Variants in B3GAT2 observed in about 807,000 individuals in gnomAD.
B3GAT2 encodes the protein galactosylgalactosylxylosylprotein 3-beta-glucuronosyltransferase 2.
B3GAT2 carries 26 observed loss-of-function variants against 27.8 expected under a neutral mutation model. That is an observed-to-expected ratio of 0.93 (90% CI 0.68 to 1.30). B3GAT2 has a LOEUF of 1.30. B3GAT2 is among the 50% of genes most tolerant of loss of function. The pLI, the probability that B3GAT2 is intolerant of heterozygous loss-of-function variation, is 0.00. For missense variants in B3GAT2, 458 were observed against 459.0 expected, an observed-to-expected ratio of 1.00 and a Z score of 0.02; for synonymous variants, 218 against 195.1, an observed-to-expected ratio of 1.12 and a Z score of -0.98.
chr6:70,919,998 C>T (rs1357962818), intron 1 of B3GAT2, among the ~76,000 whole-genome samples: 1 of 152,212 alleles, frequency 6.6e-6, no homozygotes, highest in Non-Finnish European at 1.5e-5. Context: ...CAGATATGCC[C>T]TGCCCCCGAG....
rs1380248356 is a variant in B3GAT2 at position 70,956,610 on chromosome 6, G to T, written c.-181C>A. 3 of 1,433,472 alleles carry T rather than the reference G, an allele frequency of 2.1e-6. No individual in the cohort carries two copies. The highest frequency in any genetic ancestry group is 5.1e-5 in the East Asian group (2 of 38,890). The allele number at this position is 1,433,472 out of a possible 1,614,324, so 88.8% of individuals were successfully genotyped here. ...GCTCACTACCTGGGCGTGGAGGAGC[G>T]GCAGGTTCGCGCAAGCTAGAGCGAC... On this transcript the variant is annotated 5_prime_UTR_variant, in exon 1 of 4. Transcript: ENST00000230053.
intron 2 of B3GAT2, among the ~76,000 whole-genome samples, chr6:70,863,757 T>C (rs1379822901): frequency 1.3e-5 from 2 of 152,122 alleles, no homozygotes; most frequent in Non-Finnish European, 2.9e-5. Flanking sequence ...AAAAATACTA[T>C]TGTCAGTGTG....
At chr6:70,939,074 C>G (rs183257486) in intron 1 of B3GAT2, among the ~76,000 whole-genome samples, 321 of 152,170 alleles carry the variant, frequency 2.1e-3, no homozygotes, top group African/African-American at 7.2e-3. Context: ...CCAACCCCAT[C>G]AACAAGTGGG....
Position 70,956,756 on chromosome 6 carries a change from G to C in B3GAT2, c.-327C>G. 8.1e-7 allele frequency: 1 copy of C among 1,237,406 alleles called. No individual in the cohort carries two copies. The highest frequency in any genetic ancestry group is 1.0e-6 in the Non-Finnish European group (1 of 985,688). The allele number at this position is 1,237,406 out of a possible 1,614,324, so 76.7% of individuals were successfully genotyped here. On this transcript the variant is annotated 5_prime_UTR_variant, in exon 1 of 4. It adds an upstream start codon to the 5' untranslated region. Coordinates refer to ENST00000230053, the MANE Select transcript of B3GAT2 (RefSeq NM_080742.3). ...TTGTGCCGAGTGCGGGAAAGGCGCT[G>C]ATCCCCACCGCGCTCTTTCTGAAGA...
At chr6:70,893,871 G>A (rs1313003248) in intron 2 of B3GAT2, among the ~76,000 whole-genome samples, 1 of 152,108 alleles carries the variant, frequency 6.6e-6, no homozygotes, top group Non-Finnish European at 1.5e-5. Flanking sequence ...CCATGTAGAC[G>A]CTTGTGGGAT....
chr6:70,945,597 T>C (rs908558227), intron 1 of B3GAT2, among the ~76,000 whole-genome samples: 2 of 151,100 alleles, frequency 1.3e-5, no homozygotes, highest in African/African-American at 4.9e-5. Flanking sequence ...CTACGTCTGA[T>C]TGTGTACCTG....
intron 1 of B3GAT2, among the ~76,000 whole-genome samples, chr6:70,935,860 C>A (rs967585390): frequency 2.5e-4 from 38 of 151,974 alleles, no homozygotes; most frequent in Non-Finnish European, 4.4e-4. Context: ...AGCAAAATAA[C>A]CAGCTAACAT....
chr6:70,918,851 G>A (rs1476091881), intron 1 of B3GAT2, among the ~76,000 whole-genome samples: 3 of 152,098 alleles, frequency 2.0e-5, no homozygotes, highest in Non-Finnish European at 2.9e-5. Context: ...TTCAACCTTG[G>A]TGAATCTGAC....
In B3GAT2 at chr6:70,856,988, T is replaced by C. The variant is rs749904379; in HGVS notation, c.*4675A>G. 6.2e-7 allele frequency: 1 copy of C among 1,613,874 alleles called. No homozygotes were observed. Among genetic ancestry groups the C allele is most frequent in the African/African-American group, 1.3e-5 (1 of 74,944 alleles). ...ACAACTTTCCAAAGACTCCATCTTATCTCTGTATGGCACAGGAACCATTCA... is the reference window on the plus strand; with the variant it reads ...ACAACTTTCCAAAGACTCCATCTTACCTCTGTATGGCACAGGAACCATTCA... On this transcript the variant is annotated 3_prime_UTR_variant, in exon 4 of 4. Coordinates refer to ENST00000230053, the MANE Select transcript of B3GAT2 (RefSeq NM_080742.3).
At chr6:70,919,253 T>C (rs1772827594) in intron 1 of B3GAT2, among the ~76,000 whole-genome samples, 1 of 152,228 alleles carries the variant, frequency 6.6e-6, no homozygotes, top group Non-Finnish European at 1.5e-5. Flanking sequence ...TATCATGTCA[T>C]TTATATTCTT....
chr6:70,870,547 TAAAAA>T (rs1050277040), intron 2 of B3GAT2, among the ~76,000 whole-genome samples: 2 of 147,478 alleles, frequency 1.4e-5, no homozygotes, highest in Non-Finnish European at 3.0e-5. Flanking sequence ...ATAATAATAA[TAAAAA>T]AAAGAAAAAA....
At chr6:70,900,225 C>G (rs1772474280) in intron 1 of B3GAT2, among the ~76,000 whole-genome samples, 1 of 152,162 alleles carries the variant, frequency 6.6e-6, no homozygotes. Flanking sequence ...CTCCATAGAC[C>G]CAATGGCTAC....
At chr6:70,898,105 T>A (rs146527151) in intron 1 of B3GAT2, among the ~76,000 whole-genome samples, 1 of 152,226 alleles carries the variant, frequency 6.6e-6, no homozygotes, top group Non-Finnish European at 1.5e-5. Flanking sequence ...AGATCCTTTT[T>A]ATTTCCACAT....
Position 70,889,439 on chromosome 6 carries a change from C to G in B3GAT2, c.736+4689G>C, listed in dbSNP as rs112905638. Among the ~76,000 whole-genome samples, 719 of 152,130 alleles carry G rather than the reference C, an allele frequency of 4.7e-3. 8 individuals are homozygous for G. Among genetic ancestry groups the G allele is most frequent in the African/African-American group, 0.016 (675 of 41,420 alleles). On this transcript the variant is annotated intron_variant, in intron 2 of 3. Transcript: ENST00000230053. ...TCCCCACCCCCACTGTCCACCCACT[C>G]GCCACAAAAGTCAGGGCTTTTAAGC...
intron 1 of B3GAT2, among the ~76,000 whole-genome samples, chr6:70,942,845 G>A (rs61166009): frequency 0.49 from 73,916 of 151,952 alleles, 18,600 homozygotes; most frequent in East Asian, 0.69. Context: ...TAATACAGTA[G>A]TACTGCTAAG....
At chr6:70,902,328 C>T (rs1240369167) in intron 1 of B3GAT2, among the ~76,000 whole-genome samples, 1 of 150,914 alleles carries the variant, frequency 6.6e-6, no homozygotes, top group Non-Finnish European at 1.5e-5. Flanking sequence ...GAATGGACAT[C>T]CATGCTAAAA....
chr6:70,953,482 T>C (rs1461761614), intron 1 of B3GAT2, among the ~76,000 whole-genome samples: 1 of 152,206 alleles, frequency 6.6e-6, no homozygotes, highest in African/African-American at 2.4e-5. Context: ...TCAGCATACA[T>C]ATATGTCAAA....
chr6:70,956,173 G>C lies in B3GAT2; in HGVS notation c.257C>G (p.Thr86Arg). Residue 86 changes from threonine to arginine, a missense_variant, in exon 1 of 4, where the codon ACG becomes AGG. Transcript: ENST00000230053. ...CTGCACCGGGCGGCTGTAGGTGGGC[G>C]TGATGGCATAGATGGTGGGCAGCTG... ...EPQLPTIYAI[T>R]PTYSRPVQKA... The C allele has an allele frequency of 6.2e-7, 1 of 1,610,192 alleles. No individual in the cohort carries two copies.
At chr6:70,914,402 G>T (rs750739423) in intron 1 of B3GAT2, among the ~76,000 whole-genome samples, 1 of 152,078 alleles carries the variant, frequency 6.6e-6, no homozygotes, top group Non-Finnish European at 1.5e-5. Flanking sequence ...CTGTCCTTGT[G>T]ATAGTTTGCT....
Sources: gnomAD v4.1 joint callset for allele counts (sites outside exome capture counted in the v4.1 genomes callset) on GRCh38, gnomAD v4.1.1 for gene constraint, MANE v1.5 for transcripts, NCBI Gene and HGNC (gene_info 2026-07-23, HGNC 2026-07-21) for gene names.